Variants in ULK2 observed in about 807,000 individuals in gnomAD.
ULK2 encodes the protein unc-51 like autophagy activating kinase 2.
A neutral mutation model predicts 127.5 loss-of-function variants in ULK2; 76 were observed. That is an observed-to-expected ratio of 0.60 (90% CI 0.50 to 0.72). The LOEUF (loss-of-function observed/expected upper bound fraction) is 0.72, where lower values mean the gene tolerates loss of function less well. ULK2 is among the 30% of genes least tolerant of loss of function. ULK2 has a pLI of 0.00. For synonymous variants in ULK2, 452 were observed against 461.9 expected, an observed-to-expected ratio of 0.98 and a Z score of 0.28; for missense variants, 1,144 against 1,295.9, an observed-to-expected ratio of 0.88 and a Z score of 1.80.
At chr17:19,844,055 T>C (rs2041825956) in intron 7 of ULK2, among the ~76,000 whole-genome samples, 1 of 152,106 alleles carries the variant, frequency 6.6e-6, no homozygotes, top group Admixed American at 6.6e-5. Context: ...GCTATATTAT[T>C]CCCTATGTTT....
intron 14 of ULK2, among the ~76,000 whole-genome samples, chr17:19,809,427 T>C (rs528816702): frequency 1.5e-4 from 23 of 152,198 alleles, no homozygotes; most frequent in Admixed American, 1.2e-3. Flanking sequence ...ATTTTATGTG[T>C]TTTTTATCAC....
intron 3 of ULK2, among the ~76,000 whole-genome samples, chr17:19,858,585 T>C (rs893357831): frequency 3.2e-4 from 48 of 151,752 alleles, no homozygotes; most frequent in African/African-American, 1.0e-3. Flanking sequence ...ACACAACCTA[T>C]GCATCATAGG....
intron 14 of ULK2, 128 bp downstream of exon 14, chr17:19,810,250 A>G (rs901164482): frequency 3.6e-5 from 17 of 476,574 alleles, no homozygotes; most frequent in African/African-American, 2.3e-4. Context: ...AAAAAAAAAA[A>G]AAAAAAACCA....
rs774695070 is a variant in ULK2 at position 19,846,843 on chromosome 17, G to A, written c.363C>T (p.Ile121=). ...TGTGGATGATTCCTTTGCTGTGCAG[G>A]ATTCGCATGGCAGCAGCAATCTGAT... ...FLHQIAAAMR[I]LHSKGIIHRD... is the part of the protein sequence containing the mutation. Residue 121 remains isoleucine, a synonymous_variant, in exon 6 of 27, where the codon ATC becomes ATT. Transcript: ENST00000395544. 11 of 1,613,812 alleles carry A rather than the reference G, an allele frequency of 6.8e-6. No individual in the cohort carries two copies. The East Asian group carries it at 2.0e-4, about 29-fold the overall frequency.
chr17:19,801,529 C>T (rs901582929), intron 16 of ULK2, among the ~76,000 whole-genome samples: 2 of 152,122 alleles, frequency 1.3e-5, no homozygotes, highest in African/African-American at 4.8e-5. Flanking sequence ...TGCAGTGAGC[C>T]GAGATCATGC....
At chr17:19,839,980 C>A in intron 9 of ULK2, 1 of 287,212 alleles carries the variant, frequency 3.5e-6, no homozygotes, top group Non-Finnish European at 6.8e-6. Flanking sequence ...CACACACACA[C>A]ACACACACTT....
intron 15 of ULK2, among the ~76,000 whole-genome samples, chr17:19,802,341 T>A (rs376731842): frequency 1.3e-5 from 2 of 152,350 alleles, no homozygotes; most frequent in East Asian, 3.9e-4. Context: ...GTTCTGTTTA[T>A]GTAATTTATA....
intron 1 of ULK2, 99 bp downstream of exon 1, chr17:19,867,229 C>G: frequency 1.1e-6 from 1 of 939,030 alleles, no homozygotes; most frequent in Non-Finnish European, 1.5e-6. Flanking sequence ...GGGCGGCTAG[C>G]CGAGTCGGGG....
intron 1 of ULK2, among the ~76,000 whole-genome samples, chr17:19,866,416 G>A (rs944380507): frequency 6.6e-6 from 1 of 152,164 alleles, no homozygotes; most frequent in African/African-American, 2.4e-5. Context: ...GCTGAGGCAG[G>A]AGAATCGCTT....
intron 13 of ULK2, among the ~76,000 whole-genome samples, chr17:19,812,220 G>A (rs745594404): frequency 1.2e-4 from 18 of 152,150 alleles, no homozygotes; most frequent in Non-Finnish European, 2.2e-4. Flanking sequence ...TTTAGAAGCC[G>A]TTAGAATACA....
Position 19,867,463 on chromosome 17 carries a change from C to A in ULK2, c.-46G>T. On this transcript the variant is annotated 5_prime_UTR_variant, in exon 1 of 27. Transcript: ENST00000395544. ...CAGCGGACGGGCGGGCGGCGCAGTGCGGCGCAGGTATCAGCACCGCGGCTC... is the reference window on the plus strand; with the variant it reads ...CAGCGGACGGGCGGGCGGCGCAGTGAGGCGCAGGTATCAGCACCGCGGCTC... 6 of 1,533,878 alleles carry A rather than the reference C, an allele frequency of 3.9e-6. No individual in the cohort carries two copies. Among genetic ancestry groups the A allele is most frequent in the Non-Finnish European group, 5.3e-6 (6 of 1,132,420 alleles).
At chr17:19,818,926 G>A (rs1453205607) in intron 12 of ULK2, among the ~76,000 whole-genome samples, 1 of 149,350 alleles carries the variant, frequency 6.7e-6, no homozygotes, top group African/African-American at 2.5e-5. Flanking sequence ...TCAGCCTCTC[G>A]AGTAGCTGGG....
intron 20 of ULK2, among the ~76,000 whole-genome samples, chr17:19,789,691 AAC>A (rs1187371570): frequency 1.3e-5 from 2 of 152,150 alleles, no homozygotes; most frequent in African/African-American, 4.8e-5. Context: ...AGATAAATCT[AAC>A]ACAGACTGAA....
At position 19,845,391 on chromosome 17, in the gene ULK2, C is replaced by T. The variant is rs762187566; in HGVS notation, c.470-14G>A. The T allele has an allele frequency of 6.2e-7, 1 of 1,610,892 alleles. No individual in the cohort carries two copies. Among genetic ancestry groups the T allele is most frequent in the African/African-American group, 1.3e-5 (1 of 74,832 alleles). On this transcript the variant is annotated splice_polypyrimidine_tract_variant and intron_variant, in intron 6 of 26. Coordinates refer to ENST00000395544, the MANE Select transcript of ULK2 (RefSeq NM_014683.4). ...AACCAAAATCCGCTATTTCACAAAA[C>T]AGAAAGTAGAAAAGCAAATTACGTC...
At position 19,785,553 on chromosome 17, in the gene ULK2, A is replaced by C. The variant is rs58702906; in HGVS notation, c.2251+384T>G. Among the ~76,000 whole-genome samples, 866 of 152,038 alleles carry C rather than the reference A, an allele frequency of 5.7e-3. 5 individuals are homozygous for C. Among genetic ancestry groups the C allele is most frequent in the African/African-American group, 0.018 (751 of 41,466 alleles). ...CTTTAAAAAAAAAAACCAAAAAAAA[A>C]CCAAACCTATAATTTTCAAATAATT... On this transcript the variant is annotated intron_variant, in intron 21 of 26. Transcript: ENST00000395544.
chr17:19,849,873 C>A, intron 3 of ULK2, 99 bp from the exon 4 acceptor site: 1 of 714,826 alleles, frequency 1.4e-6, no homozygotes. Context: ...ATTATTAAAA[C>A]TGGTAAAATG....
Position 19,796,081 on chromosome 17 carries a change from A to C in ULK2, c.1997+14T>G, listed in dbSNP as rs779267291. On this transcript the variant is annotated intron_variant, in intron 19 of 26. Transcript: ENST00000395544. ...GTTTTCATGTTTAATGCTAGAATGG[A>C]AACAGTCTTTTACCTGCCAAACACT... 8 of 1,592,336 alleles carry C rather than the reference A, an allele frequency of 5.0e-6. No homozygotes were observed. Among genetic ancestry groups the C allele is most frequent in the South Asian group, 2.3e-5 (2 of 86,914 alleles).
At chr17:19,828,197 T>C (rs976093379) in intron 10 of ULK2, among the ~76,000 whole-genome samples, 2 of 152,002 alleles carry the variant, frequency 1.3e-5, no homozygotes, top group African/African-American at 4.8e-5. Context: ...AATTAAGATA[T>C]CCCCAGAAAA....
At chr17:19,836,115 A>C (rs1237787674) in intron 10 of ULK2, among the ~76,000 whole-genome samples, 1 of 152,040 alleles carries the variant, frequency 6.6e-6, no homozygotes, top group African/African-American at 2.4e-5. Flanking sequence ...AAAAAAAAAA[A>C]AAAACAAAAA....
Sources: allele counts gnomAD v4.1 joint callset (sites outside exome capture counted in the v4.1 genomes callset), GRCh38; gene constraint gnomAD v4.1.1; transcripts MANE v1.5; gene names NCBI Gene and HGNC (gene_info 2026-07-23, HGNC 2026-07-21).